Variants in HS3ST5 observed in about 807,000 individuals in gnomAD.
HS3ST5 encodes heparan sulfate-glucosamine 3-sulfotransferase 5, also known as heparan sulfate glucosamine 3-O-sulfotransferase 5.
HS3ST5 carries 10 observed loss-of-function variants against 25.4 expected under a neutral mutation model. The observed-to-expected ratio is 0.39, with a 90% CI of 0.24 to 0.67. The LOEUF is 0.67. HS3ST5 is among the 30% of genes least tolerant of loss of function. HS3ST5 has a pLI of 0.44. For missense variants in HS3ST5, 324 were observed against 420.7 expected, an observed-to-expected ratio of 0.77 and a Z score of 2.01; for synonymous variants, 170 against 162.4, an observed-to-expected ratio of 1.05 and a Z score of -0.36.
intron 3 of HS3ST5, among the ~76,000 whole-genome samples, chr6:114,110,025 G>C (rs144566359): frequency 1.3e-4 from 20 of 152,212 alleles, no homozygotes; most frequent in African/African-American, 4.6e-4. Context: ...CTTCAAACCA[G>C]AATTACTGTA....
chr6:114,222,294 GCCT>G (rs1464914703), intron 2 of HS3ST5, among the ~76,000 whole-genome samples: 1 of 151,702 alleles, frequency 6.6e-6, no homozygotes, highest in African/African-American at 2.4e-5. Flanking sequence ...TGCCTGCCAT[GCCT>G]CAACAAGGCC....
intron 2 of HS3ST5, among the ~76,000 whole-genome samples, chr6:114,186,124 A>G (rs1780206408): frequency 6.6e-6 from 1 of 152,002 alleles, no homozygotes; most frequent in South Asian, 2.1e-4. Context: ...GAGACACATT[A>G]GTATTAAAAT....
chr6:114,184,365 G>A (rs1039809512), intron 2 of HS3ST5, among the ~76,000 whole-genome samples: 2 of 152,142 alleles, frequency 1.3e-5, no homozygotes, highest in African/African-American at 2.4e-5. Flanking sequence ...GAGAAACCAT[G>A]TTCAGAAGAC....
intron 2 of HS3ST5, among the ~76,000 whole-genome samples, chr6:114,227,214 A>G (rs986439523): frequency 1.3e-5 from 2 of 151,544 alleles, no homozygotes; most frequent in Admixed American, 6.6e-5. Flanking sequence ...AATAGCTAAT[A>G]TGTGCTAATT....
intron 1 of HS3ST5, among the ~76,000 whole-genome samples, chr6:114,256,907 A>C (rs1772951110): frequency 2.6e-5 from 4 of 152,230 alleles, no homozygotes; most frequent in African/African-American, 9.7e-5. Flanking sequence ...AAAGAAAAAA[A>C]AGGTTTAATG....
chr6:114,163,463 T>C (rs1779068341), intron 3 of HS3ST5, among the ~76,000 whole-genome samples: 1 of 152,160 alleles, frequency 6.6e-6, no homozygotes, highest in Non-Finnish European at 1.5e-5. Flanking sequence ...ATAAGACATA[T>C]GTTTTAGCAT....
intron 3 of HS3ST5, among the ~76,000 whole-genome samples, chr6:114,068,804 A>G (rs1224331978): frequency 6.6e-6 from 1 of 152,148 alleles, no homozygotes; most frequent in Non-Finnish European, 1.5e-5. Context: ...AGCTCCCCCC[A>G]TCCACAGTTT....
intron 3 of HS3ST5, among the ~76,000 whole-genome samples, chr6:114,139,364 A>C (rs920881987): frequency 6.6e-6 from 1 of 151,186 alleles, no homozygotes; most frequent in Non-Finnish European, 1.5e-5. Flanking sequence ...AGAATTTTAC[A>C]CTCTCGCAAA....
chr6:114,312,168 A>G (rs1044035082), intron 1 of HS3ST5, among the ~76,000 whole-genome samples: 3 of 152,230 alleles, frequency 2.0e-5, no homozygotes, highest in African/African-American at 7.2e-5. Flanking sequence ...CCAAGTGAAC[A>G]TTATCTAATA....
intron 3 of HS3ST5, among the ~76,000 whole-genome samples, chr6:114,143,385 A>C (rs1236934966): frequency 6.6e-6 from 1 of 152,226 alleles, no homozygotes; most frequent in African/African-American, 2.4e-5. Context: ...AGATCACTAT[A>C]TATAACCATT....
At chr6:114,139,232 G>A (rs1216672879) in intron 3 of HS3ST5, among the ~76,000 whole-genome samples, 3 of 152,150 alleles carry the variant, frequency 2.0e-5, no homozygotes, top group Admixed American at 2.0e-4. Flanking sequence ...GATCTTTGGT[G>A]TTGAACAGTC....
chr6:114,309,553 A>G (rs1454363463), intron 1 of HS3ST5, among the ~76,000 whole-genome samples: 1 of 152,082 alleles, frequency 6.6e-6, no homozygotes. Flanking sequence ...GCCAATATGG[A>G]GAAACCCTAT....
chr6:114,275,880 A>T (rs1342634996), intron 1 of HS3ST5, among the ~76,000 whole-genome samples: 7 of 152,014 alleles, frequency 4.6e-5, no homozygotes, highest in African/African-American at 1.4e-4. Context: ...TTTGGCCCAC[A>T]GGCTATATAG....
chr6:114,186,399 G>A lies in HS3ST5; in HGVS notation c.-144-17937C>T, dbSNP rs372273012. ...GTGAAACAGCCTTATTGCCAATATG[G>A]AGAAAGTTTGATTTAGTCAGGAGAG... On this transcript the variant is annotated intron_variant, in intron 2 of 4. Transcript: ENST00000312719. Among the ~76,000 whole-genome samples, 78 of 152,236 alleles carry A rather than the reference G, an allele frequency of 5.1e-4. No individual in the cohort carries two copies. The East Asian group carries it at 9.5e-3, about 19-fold the overall frequency.
chr6:114,310,129 T>C (rs1327299544), intron 1 of HS3ST5, among the ~76,000 whole-genome samples: 1 of 152,164 alleles, frequency 6.6e-6, no homozygotes, highest in Non-Finnish European at 1.5e-5. Context: ...ATTAAACTCA[T>C]AGTCCTCACA....
At chr6:114,240,863 T>A (rs1156837405) in intron 1 of HS3ST5, among the ~76,000 whole-genome samples, 1 of 152,138 alleles carries the variant, frequency 6.6e-6, no homozygotes, top group Admixed American at 6.5e-5. Flanking sequence ...GAAATAAAAG[T>A]CAAAGGGGCT....
intron 3 of HS3ST5, among the ~76,000 whole-genome samples, chr6:114,119,029 G>A (rs1776660460): frequency 6.6e-6 from 1 of 152,162 alleles, no homozygotes; most frequent in South Asian, 2.1e-4. Flanking sequence ...TAGATTGCAG[G>A]GTTGTTTGTA....
At chr6:114,190,490 AT>A (rs1238597169) in intron 2 of HS3ST5, among the ~76,000 whole-genome samples, 1 of 152,178 alleles carries the variant, frequency 6.6e-6, no homozygotes, top group East Asian at 1.9e-4. Context: ...TTTTAAAAAA[AT>A]AAACCCTTTA....
intron 1 of HS3ST5, among the ~76,000 whole-genome samples, chr6:114,319,279 T>A (rs1775870159): frequency 6.6e-6 from 1 of 152,164 alleles, no homozygotes; most frequent in South Asian, 2.1e-4. Context: ...ATGATTTAGA[T>A]AACTCCCCTC....
Sources: gnomAD v4.1 joint callset for allele counts (sites outside exome capture counted in the v4.1 genomes callset) on GRCh38, gnomAD v4.1.1 for gene constraint, MANE v1.5 for transcripts, NCBI Gene and HGNC (gene_info 2026-07-23, HGNC 2026-07-21) for gene names.